FGF14: variants seen among roughly 807,000 people sequenced by gnomAD.
The protein encoded by FGF14 is fibroblast growth factor homologous factor 4.
In FGF14, 5 loss-of-function variants were observed where a neutral mutation model predicts 25.5. That is an observed-to-expected ratio of 0.20 (90% CI 0.10 to 0.41). The LOEUF is 0.41. Among genes scored for constraint, FGF14 ranks in the 10% least tolerant of loss-of-function variants. The pLI is 1.00. For synonymous variants in FGF14, 138 were observed against 118.3 expected (o/e 1.17, Z -1.08); for missense variants, 222 against 320.1 (o/e 0.69, Z 2.34).
At chr13:101,856,843 C>T (rs570709908) in intron 3 of FGF14, among the ~76,000 whole-genome samples, 19 of 152,020 alleles carry the variant, frequency 1.2e-4, no homozygotes, top group Middle Eastern at 3.4e-3. Context: ...GCTAGGAATC[C>T]GATACTTTTG....
At chr13:101,873,011 T>A (rs2045193705) in intron 2 of FGF14, among the ~76,000 whole-genome samples, 1 of 151,328 alleles carries the variant, frequency 6.6e-6, no homozygotes, top group Non-Finnish European at 1.5e-5. Context: ...TTTTGCTCCT[T>A]CTACTGCAGA....
At chr13:101,864,489 T>C (rs912869429) in intron 3 of FGF14, among the ~76,000 whole-genome samples, 1 of 152,146 alleles carries the variant, frequency 6.6e-6, no homozygotes, top group African/African-American at 2.4e-5. Flanking sequence ...TTACAAACTG[T>C]TGATTCTCGG....
rs374385965 is a variant in FGF14, at chr13:102,235,418, G to C, written c.208+166053C>G. ...TTTGTTCTTTGCTGCTCAAAGTTTGGTCTGTGAGCCATAAGTGCCCTGGTC... is the reference window on the plus strand; with the variant it reads ...TTTGTTCTTTGCTGCTCAAAGTTTGCTCTGTGAGCCATAAGTGCCCTGGTC... On this transcript the variant is annotated intron_variant, in intron 1 of 4. Coordinates refer to the FGF14 transcript ENST00000376131. Among the ~76,000 whole-genome samples the C allele has an allele frequency of 4.3e-4, 65 of 152,152 alleles. No homozygotes were observed. In the South Asian group the frequency reaches 0.013, roughly 31 times the overall value.
intron 1 of FGF14, chr13:102,263,205 T>C (rs571861738): frequency 1.9e-6 from 1 of 536,728 alleles, no homozygotes. Flanking sequence ...TGAGAAGACA[T>C]GGCGAGAAGC....
At chr13:102,284,327 T>C (rs2053988496) in intron 1 of FGF14, among the ~76,000 whole-genome samples, 1 of 152,184 alleles carries the variant, frequency 6.6e-6, no homozygotes, top group Non-Finnish European at 1.5e-5. Flanking sequence ...AAGTCCTCAA[T>C]AAAATTTGTT....
chr13:102,232,657 G>A (rs552937244), intron 1 of FGF14, among the ~76,000 whole-genome samples: 23 of 152,112 alleles, frequency 1.5e-4, no homozygotes, highest in Non-Finnish European at 2.9e-4. Flanking sequence ...GATTCCCTTA[G>A]TATAGCTAAT....
chr13:102,385,952 T>C (rs926155880), intron 1 of FGF14, among the ~76,000 whole-genome samples: 4 of 152,154 alleles, frequency 2.6e-5, no homozygotes, highest in African/African-American at 4.8e-5. Context: ...TAATGTAATA[T>C]AGCGTTTAGG....
chr13:102,212,689 C>T (rs2050211571), intron 1 of FGF14, among the ~76,000 whole-genome samples: 1 of 152,152 alleles, frequency 6.6e-6, no homozygotes, highest in African/African-American at 2.4e-5. Flanking sequence ...ATCAGATTAA[C>T]AAGGACTAAT....
At position 101,715,589 on chromosome 13, in the gene FGF14, T is replaced by A; in HGVS notation, c.*7242A>T. The stretch of plus-strand genomic sequence containing the variant: ...GAATGGAATATGTAGCTGTGGAAAC[T>A]GTGAATGCTGGGATGGATGGAATGG... On this transcript the variant is annotated 3_prime_UTR_variant, in exon 5 of 5. Coordinates refer to ENST00000376143, the MANE Select transcript of FGF14 (RefSeq NM_004115.4). 6.2e-7 allele frequency: 1 copy of A among 1,613,232 alleles called. No individual in the cohort carries two copies.
At chr13:102,164,343 G>A (rs74109508) in intron 1 of FGF14, among the ~76,000 whole-genome samples, 3,672 of 152,202 alleles carry the variant, frequency 0.024, 127 homozygotes, top group African/African-American at 0.084. Flanking sequence ...TATTTATTAG[G>A]CCTCTACTTG....
At chr13:102,398,445 A>G (rs981658481) in intron 1 of FGF14, among the ~76,000 whole-genome samples, 1 of 152,184 alleles carries the variant, frequency 6.6e-6, no homozygotes, top group African/African-American at 2.4e-5. Flanking sequence ...ACTTCCAAAG[A>G]TATAGGAAGG....
chr13:102,009,059 C>T (rs765678344), intron 1 of FGF14, among the ~76,000 whole-genome samples: 6 of 151,998 alleles, frequency 3.9e-5, no homozygotes, highest in Non-Finnish European at 7.4e-5. Context: ...CCATACATGT[C>T]CTTTGAAGAA....
chr13:102,230,449 G>T (rs2051030518), intron 1 of FGF14, among the ~76,000 whole-genome samples: 1 of 152,118 alleles, frequency 6.6e-6, no homozygotes, highest in African/African-American at 2.4e-5. Context: ...AAATAAAAGG[G>T]TCCTATATTT....
chr13:101,993,570 G>T (rs1274823635), intron 1 of FGF14, among the ~76,000 whole-genome samples: 1 of 152,042 alleles, frequency 6.6e-6, no homozygotes, highest in African/African-American at 2.4e-5. Context: ...ATGAGCAGGA[G>T]AGATTGGAAA....
chr13:102,171,676 C>CT (rs1187814635), intron 1 of FGF14, among the ~76,000 whole-genome samples: 1 of 151,958 alleles, frequency 6.6e-6, no homozygotes, highest in Non-Finnish European at 1.5e-5. Context: ...ACAGTGCATT[C>CT]TTTTTTTCTG....
intron 1 of FGF14, among the ~76,000 whole-genome samples, chr13:102,169,034 C>T (rs2048134692): frequency 6.6e-6 from 1 of 151,800 alleles, no homozygotes; most frequent in Non-Finnish European, 1.5e-5. Context: ...TCACAGTTTA[C>T]TCTTCCATCC....
At chr13:101,965,801 T>A (rs2037158559) in intron 1 of FGF14, among the ~76,000 whole-genome samples, 1 of 152,164 alleles carries the variant, frequency 6.6e-6, no homozygotes, top group South Asian at 2.1e-4. Context: ...GCAATCAATT[T>A]TAAGGAACTG....
At chr13:101,771,849 A>C (rs1241217413) in intron 3 of FGF14, among the ~76,000 whole-genome samples, 1 of 151,890 alleles carries the variant, frequency 6.6e-6, no homozygotes, top group Admixed American at 6.6e-5. Flanking sequence ...AGGGATTAAA[A>C]TTTTTCTCTT....
At chr13:102,129,525 C>T (rs1367199671) in intron 1 of FGF14, among the ~76,000 whole-genome samples, 2 of 143,148 alleles carry the variant, frequency 1.4e-5, no homozygotes, top group African/African-American at 3.0e-5. Context: ...CTATTTGACA[C>T]GAATAAAGAA....
Sources: gnomAD v4.1 joint callset for allele counts (sites outside exome capture counted in the v4.1 genomes callset) on GRCh38, gnomAD v4.1.1 for gene constraint, MANE v1.5 for transcripts, NCBI Gene and HGNC (gene_info 2026-07-23, HGNC 2026-07-21) for gene names.